The following CHCHD6 variants were observed in gnomAD, a reference collection of about 807,000 sequenced individuals.
The protein encoded by CHCHD6 is MICOS complex subunit MIC25.
CHCHD6 carries 28 observed loss-of-function variants against 32.3 expected under a neutral mutation model. The observed-to-expected ratio is 0.87, with a 90% CI of 0.64 to 1.19. The LOEUF (loss-of-function observed/expected upper bound fraction) is 1.19. Among genes scored for constraint, CHCHD6 ranks in the 50% most tolerant of loss-of-function variants. CHCHD6 has a pLI of 0.00. For missense variants in CHCHD6, 333 were observed against 307.0 expected, an observed-to-expected ratio of 1.08 and a Z score of -0.63; for synonymous variants, 122 against 117.5, an observed-to-expected ratio of 1.04 and a Z score of -0.25.
intron 4 of CHCHD6, among the ~76,000 whole-genome samples, chr3:126,792,038 A>G (rs1482439758): frequency 1.3e-5 from 2 of 152,122 alleles, no homozygotes; most frequent in Non-Finnish European, 2.9e-5. Flanking sequence ...GTTATAACAC[A>G]TACAGAATTT....
chr3:126,868,014 A>G lies in CHCHD6; in HGVS notation c.495+15284A>G, dbSNP rs534989190. On this transcript the variant is annotated intron_variant, in intron 5 of 7. Coordinates refer to ENST00000290913, the MANE Select transcript of CHCHD6 (RefSeq NM_032343.3). The stretch of plus-strand genomic sequence containing the variant: ...TGCTTGTGGCTCCAGGCCCTATTCC[A>G]GTCACACCTGGCATGCAGTCCAGCA... 8.5e-5 allele frequency among the ~76,000 whole-genome samples: 13 copies of G among 152,226 alleles called. No individual in the cohort carries two copies. The East Asian group carries it at 2.3e-3, about 27-fold the overall frequency.
intron 5 of CHCHD6, among the ~76,000 whole-genome samples, chr3:126,865,149 TTTTCCA>T (rs1942240181): frequency 8.5e-5 from 4 of 46,894 alleles, no homozygotes; most frequent in East Asian, 1.4e-3. Flanking sequence ...CACCACCTCC[TTTTCCA>T]CCACCTCCAC....
intron 5 of CHCHD6, among the ~76,000 whole-genome samples, chr3:126,913,136 T>C (rs562554614): frequency 7.4e-5 from 11 of 149,246 alleles, no homozygotes; most frequent in African/African-American, 2.2e-4. Context: ...GTGCCTGCAG[T>C]AGGTACCTGA....
At chr3:126,821,385 C>T (rs1379357997) in intron 4 of CHCHD6, among the ~76,000 whole-genome samples, 2 of 152,124 alleles carry the variant, frequency 1.3e-5, no homozygotes, top group African/African-American at 4.8e-5. Context: ...CCTCTGCCTC[C>T]TGGGTTCAAG....
chr3:126,704,245 G>A lies in CHCHD6; in HGVS notation c.-68G>A. ...CGCGGCCGCGCGAGTCCTGGAAAGC[G>A]TTGTTGGCCCGGTTGCTCTGGAGCC... On this transcript the variant is annotated 5_prime_UTR_variant, in exon 1 of 8. Coordinates refer to ENST00000290913, the MANE Select transcript of CHCHD6 (RefSeq NM_032343.3). 1 of 1,331,818 alleles carries A rather than the reference G, an allele frequency of 7.5e-7. No homozygotes were observed. The highest frequency in any genetic ancestry group is 1.1e-6 in the Non-Finnish European group (1 of 940,976). The allele number at this position is 1,331,818 out of a possible 1,614,324, so 82.5% of individuals were successfully genotyped here.
intron 4 of CHCHD6, among the ~76,000 whole-genome samples, chr3:126,759,995 G>C (rs988437340): frequency 6.6e-6 from 1 of 152,144 alleles, no homozygotes; most frequent in Non-Finnish European, 1.5e-5. Context: ...GAGAACAGGA[G>C]CAAGGACTGG....
chr3:126,953,694 G>A (rs1321904930), intron 6 of CHCHD6, among the ~76,000 whole-genome samples: 1 of 152,202 alleles, frequency 6.6e-6, no homozygotes, highest in Non-Finnish European at 1.5e-5. Context: ...TTTGATGCCT[G>A]TGCAAACAGA....
chr3:126,855,824 G>A (rs748032113), intron 5 of CHCHD6, among the ~76,000 whole-genome samples: 14 of 152,152 alleles, frequency 9.2e-5, no homozygotes, highest in African/African-American at 2.2e-4. Context: ...CCTCAGAGCC[G>A]GCAAATGAGA....
At chr3:126,799,974 T>G (rs1938986911) in intron 4 of CHCHD6, among the ~76,000 whole-genome samples, 1 of 152,232 alleles carries the variant, frequency 6.6e-6, no homozygotes, top group Non-Finnish European at 1.5e-5. Flanking sequence ...TGCATAGTAT[T>G]TCATAATTGG....
At chr3:126,791,545 A>G (rs1213342264) in intron 4 of CHCHD6, among the ~76,000 whole-genome samples, 1 of 152,156 alleles carries the variant, frequency 6.6e-6, no homozygotes, top group African/African-American at 2.4e-5. Flanking sequence ...CCCCAGCCTC[A>G]CTGCTTCCTT....
At chr3:126,753,450 A>G (rs1268734121) in intron 4 of CHCHD6, among the ~76,000 whole-genome samples, 1 of 152,208 alleles carries the variant, frequency 6.6e-6, no homozygotes, top group African/African-American at 2.4e-5. Context: ...AGCATGCTGC[A>G]GCCCGCCTGC....
chr3:126,861,555 CAGCA>C (rs1380004851), intron 5 of CHCHD6, among the ~76,000 whole-genome samples: 1 of 151,404 alleles, frequency 6.6e-6, no homozygotes. Flanking sequence ...GCACCACCAC[CAGCA>C]CCACCACCTC....
At chr3:126,858,830 C>T (rs1432788111) in intron 5 of CHCHD6, among the ~76,000 whole-genome samples, 1 of 152,224 alleles carries the variant, frequency 6.6e-6, no homozygotes, top group African/African-American at 2.4e-5. Context: ...TGCTAAAACC[C>T]TGTGTCAGGT....
At chr3:126,937,868 C>A (rs1433793558) in intron 6 of CHCHD6, among the ~76,000 whole-genome samples, 3 of 152,058 alleles carry the variant, frequency 2.0e-5, no homozygotes, top group Admixed American at 2.0e-4. Flanking sequence ...TTGGTTACTT[C>A]TGGGGGAGCG....
chr3:126,757,164 A>G (rs1055507936), intron 4 of CHCHD6, among the ~76,000 whole-genome samples: 2 of 152,256 alleles, frequency 1.3e-5, no homozygotes, highest in African/African-American at 4.8e-5. Context: ...AAGTGCTGAC[A>G]TGACACTCAA....
intron 6 of CHCHD6, among the ~76,000 whole-genome samples, chr3:126,938,351 C>T (rs545974662): frequency 4.6e-5 from 7 of 152,306 alleles, no homozygotes; most frequent in South Asian, 4.1e-4. Context: ...GTTACAGAAC[C>T]GCTCTTCATC....
chr3:126,719,119 G>T (rs1324988648), intron 1 of CHCHD6, among the ~76,000 whole-genome samples: 1 of 152,172 alleles, frequency 6.6e-6, no homozygotes, highest in African/African-American at 2.4e-5. Flanking sequence ...TACCCTGGTT[G>T]GCCAGGGCTC....
chr3:126,838,542 CA>C (rs1437459924), intron 4 of CHCHD6, among the ~76,000 whole-genome samples: 1 of 152,234 alleles, frequency 6.6e-6, no homozygotes, highest in Non-Finnish European at 1.5e-5. Context: ...GTCCCTTAAT[CA>C]GCTGCATCTC....
chr3:126,936,129 A>G (rs997681155), intron 6 of CHCHD6, among the ~76,000 whole-genome samples: 2 of 152,150 alleles, frequency 1.3e-5, no homozygotes, highest in Non-Finnish European at 2.9e-5. Context: ...AATTCCCACA[A>G]CCTTAGATCA....
Sources: allele counts gnomAD v4.1 joint callset (sites outside exome capture counted in the v4.1 genomes callset), GRCh38; gene constraint gnomAD v4.1.1; transcripts MANE v1.5; gene names NCBI Gene and HGNC (gene_info 2026-07-23, HGNC 2026-07-21).